DNAH6: variants seen among roughly 807,000 people sequenced by gnomAD.
DNAH6 encodes the protein axonemal beta dynein heavy chain 6.
DNAH6 carries 340 observed loss-of-function variants against 491.4 expected under a neutral mutation model. The observed-to-expected ratio is 0.69, with a 90% CI of 0.63 to 0.76. DNAH6 has a LOEUF of 0.76. Among genes scored for constraint, DNAH6 ranks in the 30% least tolerant of loss-of-function variants. The pLI is 0.00. For synonymous variants in DNAH6, 1,603 were observed against 1,686.1 expected, an observed-to-expected ratio of 0.95 and a Z score of 1.21; for missense variants, 4,443 against 4,972.2, an observed-to-expected ratio of 0.89 and a Z score of 3.20.
At chr2:84,784,957 A>G (rs1677037033) in intron 66 of DNAH6, 147 bp downstream of exon 66, 10 of 616,464 alleles carry the variant, frequency 1.6e-5, no homozygotes, top group South Asian at 4.0e-5. Flanking sequence ...CTTTTCACCT[A>G]TAACAAGCAG....
At chr2:84,744,443 A>G (rs1467210631) in intron 62 of DNAH6, among the ~76,000 whole-genome samples, 1 of 152,246 alleles carries the variant, frequency 6.6e-6, no homozygotes, top group Non-Finnish European at 1.5e-5. Flanking sequence ...CATTTCTTAT[A>G]AATATTCTAT....
chr2:84,664,699 A>G lies in DNAH6; in HGVS notation c.6085-4590A>G, dbSNP rs572650279. Among the ~76,000 whole-genome samples the G allele has an allele frequency of 5.9e-5, 9 of 152,326 alleles. 1 individual carries two copies. Among genetic ancestry groups the G allele is most frequent in the African/African-American group, 2.2e-4 (9 of 41,572 alleles). On this transcript the variant is annotated intron_variant, in intron 37 of 76. Transcript: ENST00000389394. ...CATTAAACAGATCAACAAGATAGAA[A>G]GTTAACAAGGATATCCAGGAATTGA...
chr2:84,633,108 C>T (rs1040074901), intron 29 of DNAH6, among the ~76,000 whole-genome samples: 1 of 152,280 alleles, frequency 6.6e-6, no homozygotes, highest in South Asian at 2.1e-4. Context: ...CACGGAGCAG[C>T]CAGTAAGTGA....
chr2:84,541,533 G>T (rs1248622530), intron 4 of DNAH6, among the ~76,000 whole-genome samples: 1 of 152,210 alleles, frequency 6.6e-6, no homozygotes, highest in Non-Finnish European at 1.5e-5. Flanking sequence ...GAAGAAAAGT[G>T]TGGGATTTTA....
chr2:84,637,261 G>A lies in DNAH6; in HGVS notation c.4705G>A (p.Ala1569Thr). ...GGAAATAAAGTTGGTGATGACTTGT[G>A]CAGCCTTCATCACAATGAATCCTGG... is the stretch of plus-strand genomic sequence containing the variant. ...GREIKLVMTC[A>T]AFITMNPGYA... Residue 1569 changes from alanine (A) to threonine (T), a missense_variant, in exon 31 of 77, where the codon GCA becomes ACA. Ala to Thr is a moderately conservative substitution (Grantham distance 58). Coordinates refer to ENST00000389394, the MANE Select transcript of DNAH6 (RefSeq NM_001370.2). 1 of 1,551,164 alleles carries A rather than the reference G, an allele frequency of 6.4e-7. No individual in the cohort carries two copies. The highest frequency in any genetic ancestry group is 8.7e-7 in the Non-Finnish European group (1 of 1,146,654).
chr2:84,483,510 G>A, the DNAH6 span, among the ~76,000 whole-genome samples: 1 of 152,042 alleles, frequency 6.6e-6, no homozygotes, highest in South Asian at 2.1e-4. Flanking sequence ...CTTGGAGATG[G>A]GTCTTAGAAA....
At chr2:84,666,532 A>G (rs1692144894) in intron 37 of DNAH6, among the ~76,000 whole-genome samples, 1 of 152,188 alleles carries the variant, frequency 6.6e-6, no homozygotes, top group African/African-American at 2.4e-5. Context: ...ATACCTAGGA[A>G]TCCAACTTAC....
intron 62 of DNAH6, among the ~76,000 whole-genome samples, chr2:84,740,285 A>T (rs1672391834): frequency 6.6e-6 from 1 of 152,116 alleles, no homozygotes; most frequent in Non-Finnish European, 1.5e-5. Context: ...GTAAGAACTG[A>T]TGGGTACAAG....
At chr2:84,757,023 C>T (rs1383790776) in intron 63 of DNAH6, among the ~76,000 whole-genome samples, 2 of 152,156 alleles carry the variant, frequency 1.3e-5, no homozygotes, top group African/African-American at 4.8e-5. Flanking sequence ...TCTAATGATC[C>T]CGCAATCCAG....
the DNAH6 span, among the ~76,000 whole-genome samples, chr2:84,487,919 C>A: frequency 6.6e-6 from 1 of 152,062 alleles, no homozygotes; most frequent in South Asian, 2.1e-4. Context: ...TGGGGACAAA[C>A]AACCTAATCT....
chr2:84,777,483 A>G (rs1236827848), intron 64 of DNAH6: 4 of 680,534 alleles, frequency 5.9e-6, no homozygotes, highest in South Asian at 1.6e-5. Flanking sequence ...CTTTCTGCCA[A>G]ATCTGCCACA....
In DNAH6 at chr2:84,683,412, A is replaced by AT. The variant is rs61217837; in HGVS notation, c.6917-1887dup. 3.0e-3 allele frequency among the ~76,000 whole-genome samples: 283 copies of AT among 93,884 alleles called. 29 individuals carry two copies. Among genetic ancestry groups the AT allele is most frequent in the African/African-American group, 9.7e-3 (234 of 24,046 alleles). 61.6% of individuals were successfully genotyped at this position (93,884 alleles called of 152,430 possible). ...GTGCCCTTTGTTCTACACCACTCTT[A>AT]TTTTTTTTTTTTTTTTTTTTTTTTT... On this transcript the variant is annotated intron_variant, in intron 42 of 76. Coordinates refer to ENST00000389394, the MANE Select transcript of DNAH6 (RefSeq NM_001370.2).
At chr2:84,813,178 C>T (rs766773860) in intron 74 of DNAH6, 48 bp downstream of exon 74, 14 of 1,363,942 alleles carry the variant, frequency 1.0e-5, no homozygotes, top group African/African-American at 1.4e-5. Context: ...CATGACTTCT[C>T]ATACACAGGG....
intron 70 of DNAH6, among the ~76,000 whole-genome samples, chr2:84,805,357 G>T (rs1188184659): frequency 6.6e-6 from 1 of 152,150 alleles, no homozygotes; most frequent in Admixed American, 6.5e-5. Context: ...AATGGTAGTT[G>T]CCAGGGGCTG....
rs561068802 is a variant in DNAH6 at position 84,599,076 on chromosome 2, C to T, written c.2868+3287C>T. On this transcript the variant is annotated intron_variant, in intron 18 of 76. Transcript: ENST00000389394. ...GTCATAATTTGCATTTTTCTAAATA[C>T]TGATAATGTTGAACATCTTCTTATA... Among the ~76,000 whole-genome samples the T allele has an allele frequency of 1.3e-4, 20 of 149,130 alleles. No individual in the cohort carries two copies. In the East Asian group the frequency reaches 3.9e-3, roughly 29 times the overall value.
chr2:84,488,074 G>A, the DNAH6 span, among the ~76,000 whole-genome samples: 1 of 151,860 alleles, frequency 6.6e-6, no homozygotes. Flanking sequence ...TCTGTTTTTA[G>A]GCATTAAAAA....
intron 45 of DNAH6, among the ~76,000 whole-genome samples, 188 bp downstream of exon 45, chr2:84,688,781 G>T (rs144834023): frequency 6.5e-4 from 99 of 152,260 alleles, no homozygotes; most frequent in African/African-American, 2.2e-3. Context: ...GCTTTCTATG[G>T]AATCCCCAGA....
intron 68 of DNAH6, among the ~76,000 whole-genome samples, chr2:84,792,310 C>A (rs946806177): frequency 2.0e-5 from 3 of 152,148 alleles, no homozygotes; most frequent in Non-Finnish European, 2.9e-5. Flanking sequence ...TACAATATAG[C>A]ACTTACAGTT....
intron 59 of DNAH6, among the ~76,000 whole-genome samples, chr2:84,718,688 G>A (rs796838552): frequency 5.3e-5 from 8 of 152,334 alleles, no homozygotes; most frequent in African/African-American, 1.9e-4. Flanking sequence ...TCACCTGCAG[G>A]AAGCCTCTGT....
Sources: allele counts gnomAD v4.1 joint callset (sites outside exome capture counted in the v4.1 genomes callset), GRCh38; gene constraint gnomAD v4.1.1; transcripts MANE v1.5; gene names NCBI Gene and HGNC (gene_info 2026-07-23, HGNC 2026-07-21).